DHRS4L2: variants seen among roughly 807,000 people sequenced by gnomAD.
DHRS4L2 encodes dehydrogenase/reductase 4 like 2, also known as dehydrogenase/reductase SDR family member 4-like 2.
Under a neutral mutation model 23.9 loss-of-function variants are expected in DHRS4L2, and 22 were observed. That is an observed-to-expected ratio of 0.92 (90% CI 0.66 to 1.31). The LOEUF (loss-of-function observed/expected upper bound fraction) is 1.31. DHRS4L2 is among the 40% of genes most tolerant of loss of function. The pLI is 0.00. For missense variants in DHRS4L2, 385 were observed against 303.3 expected (o/e 1.27, Z -2.00); for synonymous variants, 141 against 123.7 (o/e 1.14, Z -0.93).
chr14:23,977,785 A>T (rs550673475), intron 1 of DHRS4L2, among the ~76,000 whole-genome samples: 1 of 151,560 alleles, frequency 6.6e-6, no homozygotes, highest in African/African-American at 2.4e-5. Flanking sequence ...TTAATTTCCC[A>T]TTGTTGTCCT....
At chr14:23,994,136 C>G (rs1440752443) in intron 2 of DHRS4L2, among the ~76,000 whole-genome samples, 4 of 151,746 alleles carry the variant, frequency 2.6e-5, no homozygotes, top group East Asian at 1.9e-4. Context: ...TTCTTCAGCT[C>G]TATTTAAGCC....
At chr14:23,971,228 C>G (rs1378642800) in intron 1 of DHRS4L2, among the ~76,000 whole-genome samples, 2 of 151,918 alleles carry the variant, frequency 1.3e-5, no homozygotes, top group Non-Finnish European at 2.9e-5. Flanking sequence ...TGTTCTAACC[C>G]ATTACAAGGA....
Position 23,971,833 on chromosome 14 carries a change from A to G in DHRS4L2, c.-176+1501A>G, listed in dbSNP as rs548078733. ...TACAATAAGAGCTCCTGAAGGAAGC[A>G]CTAAACATGGAAAGGAACAACGGGT... On this transcript the variant is annotated intron_variant, in intron 1 of 5. Transcript: ENST00000534993. Among the ~76,000 whole-genome samples, 16 of 152,214 alleles carry G rather than the reference A, an allele frequency of 1.1e-4. 1 individual carries two copies. The South Asian group carries it at 2.9e-3, about 28-fold the overall frequency.
rs187276643 is a variant in DHRS4L2 at position 23,972,160 on chromosome 14, T to G, written c.-176+1828T>G. Among the ~76,000 whole-genome samples, 365 of 152,170 alleles carry G rather than the reference T, an allele frequency of 2.4e-3. 4 individuals carry two copies. The highest frequency in any genetic ancestry group is 0.017 in the Middle Eastern group (5 of 294). On this transcript the variant is annotated intron_variant, in intron 1 of 5. Transcript: ENST00000534993. ...TTGGTGGGTTCTTGGTCTCACTGAC[T>G]TCAAGAATGAAGCTGCGGACCCTCG...
upstream of DHRS4L2, among the ~76,000 whole-genome samples, chr14:23,987,000 CG>C (rs1422928987): frequency 6.6e-6 from 1 of 151,702 alleles, no homozygotes; most frequent in Non-Finnish European, 1.5e-5. Flanking sequence ...CCTGTCTCAT[CG>C]GGATGTGCTG....
intron 2 of DHRS4L2, among the ~76,000 whole-genome samples, chr14:23,991,464 A>G (rs1372449743): frequency 6.6e-6 from 1 of 151,792 alleles, no homozygotes; most frequent in African/African-American, 2.4e-5. Flanking sequence ...AAATCCTCCT[A>G]GAAAAACAAC....
intron 3 of DHRS4L2, 137 bp from the exon 4 acceptor site, chr14:24,000,726 T>G (rs1195358169): frequency 1.3e-6 from 1 of 793,034 alleles, no homozygotes; most frequent in East Asian, 2.7e-5. Context: ...CCTTCATGTG[T>G]AAGATGCAGG....
intron 3 of DHRS4L2, among the ~76,000 whole-genome samples, chr14:23,998,818 C>T (rs1256656230): frequency 6.8e-6 from 1 of 147,226 alleles, no homozygotes; most frequent in Non-Finnish European, 1.5e-5. Context: ...AGAAGTAGCA[C>T]TTTTAATTTC....
intron 1 of DHRS4L2, among the ~76,000 whole-genome samples, chr14:23,977,248 G>C (rs575339448): frequency 6.6e-6 from 1 of 151,644 alleles, no homozygotes; most frequent in Non-Finnish European, 1.5e-5. Context: ...TAAATAATTG[G>C]CTTACATTTA....
At chr14:23,991,944 C>A (rs1313489584) in intron 2 of DHRS4L2, among the ~76,000 whole-genome samples, 2 of 151,336 alleles carry the variant, frequency 1.3e-5, no homozygotes, top group African/African-American at 2.4e-5. Context: ...CCATGTTGGC[C>A]AGGCTGGTCT....
intron 1 of DHRS4L2, among the ~76,000 whole-genome samples, chr14:23,981,082 TTAAGCTGA>T (rs1416798182): frequency 6.6e-6 from 1 of 151,834 alleles, no homozygotes; most frequent in African/African-American, 2.4e-5. Context: ...CAAAATCTCC[TTAAGCTGA>T]TAAGCAACTT....
chr14:23,984,138 T>C (rs2034100131), upstream of DHRS4L2, among the ~76,000 whole-genome samples: 1 of 151,560 alleles, frequency 6.6e-6, no homozygotes, highest in South Asian at 2.1e-4. Flanking sequence ...TGTAATCTCA[T>C]TTGTGGAAAC....
intron 1 of DHRS4L2, chr14:23,970,340 G>A (rs1387837055): frequency 4.7e-6 from 2 of 429,090 alleles, no homozygotes; most frequent in Non-Finnish European, 9.4e-6. Context: ...CAGGTAGGGT[G>A]GAGAGGGCGG....
intron 1 of DHRS4L2, among the ~76,000 whole-genome samples, chr14:23,981,901 C>A: frequency 6.6e-6 from 1 of 151,784 alleles, no homozygotes; most frequent in African/African-American, 2.4e-5. Flanking sequence ...ACTTGTCTCA[C>A]CTCCTGCCAC....
At chr14:23,975,779 A>C (rs2033954041) in intron 1 of DHRS4L2, among the ~76,000 whole-genome samples, 1 of 151,736 alleles carries the variant, frequency 6.6e-6, no homozygotes. Context: ...ATGGAACAGA[A>C]CAGAAGCCTC....
chr14:23,987,678 A>C (rs1239963699), upstream of DHRS4L2, among the ~76,000 whole-genome samples: 11 of 151,804 alleles, frequency 7.2e-5, no homozygotes, highest in African/African-American at 2.7e-4. Flanking sequence ...ACACACACAA[A>C]AAGAAGGAAA....
At chr14:23,988,701 T>C, upstream of DHRS4L2, 1 of 1,172,368 alleles carries the variant, frequency 8.5e-7, no homozygotes. Flanking sequence ...TACAGGCAAC[T>C]TGAACGGAGA....
intron 3 of DHRS4L2, among the ~76,000 whole-genome samples, chr14:24,000,391 C>A (rs564527710): frequency 4.6e-4 from 69 of 150,900 alleles, no homozygotes; most frequent in South Asian, 2.1e-3. Context: ...ACAGTCCTTC[C>A]TAGAGGGCCA....
At position 23,995,046 on chromosome 14, in the gene DHRS4L2, T is replaced by C; in HGVS notation, c.321T>C (p.His107=). 2 of 1,612,990 alleles carry C rather than the reference T, an allele frequency of 1.2e-6. No homozygotes were observed. Among genetic ancestry groups the C allele is most frequent in the Non-Finnish European group, 1.7e-6 (2 of 1,179,468 alleles). The change falls in exon 3 of 8, where the codon CAT becomes CAC. Residue 107 remains histidine (H), a synonymous_variant. Transcript: ENST00000335125. ...ERLVAMAVKL[H]GGIDILVSNA... Reference sequence around the variant, plus strand: ...CCTCTCTCTAGGCTGTGAAGCTTCATGGAGGTATCGATATCCTAGTCTCCA... The same window carrying C: ...CCTCTCTCTAGGCTGTGAAGCTTCACGGAGGTATCGATATCCTAGTCTCCA...
Sources: allele counts gnomAD v4.1 joint callset (sites outside exome capture counted in the v4.1 genomes callset), GRCh38; gene constraint gnomAD v4.1.1; transcripts MANE v1.5; gene names NCBI Gene and HGNC (gene_info 2026-07-23, HGNC 2026-07-21).